Variants in ANTXR1 observed in about 807,000 individuals in gnomAD.
The protein encoded by ANTXR1 is anthrax toxin receptor 1.
In ANTXR1, 19 loss-of-function variants were observed where a neutral mutation model predicts 78.1. That is an observed-to-expected ratio of 0.24 (90% confidence interval 0.17 to 0.36). The LOEUF is 0.36. ANTXR1 is among the 10% of genes least tolerant of loss of function. The pLI, the probability that ANTXR1 is intolerant of heterozygous loss-of-function variation, is 1.00. For synonymous variants in ANTXR1, 273 were observed against 260.5 expected, an observed-to-expected ratio of 1.05 and a Z score of -0.46; for missense variants, 518 against 718.6, an observed-to-expected ratio of 0.72 and a Z score of 3.19.
intron 3 of ANTXR1, among the ~76,000 whole-genome samples, chr2:69,052,593 T>A (rs973052589): frequency 6.6e-6 from 1 of 152,094 alleles, no homozygotes; most frequent in Non-Finnish European, 1.5e-5. Context: ...TTTCCAGGTG[T>A]AGTCCCTTCA....
At chr2:69,219,942 T>C (rs1160675220) in intron 17 of ANTXR1, among the ~76,000 whole-genome samples, 2 of 152,142 alleles carry the variant, frequency 1.3e-5, no homozygotes. Context: ...TTTTAGCTGC[T>C]GAAAAGCAAA....
chr2:69,078,583 A>C (rs1670809056), intron 8 of ANTXR1, among the ~76,000 whole-genome samples: 1 of 152,200 alleles, frequency 6.6e-6, no homozygotes, highest in Non-Finnish European at 1.5e-5. Context: ...TAAGAAGCTC[A>C]GAGCCCGGCA....
At chr2:69,183,389 C>T (rs1294378443) in intron 16 of ANTXR1, among the ~76,000 whole-genome samples, 2 of 151,802 alleles carry the variant, frequency 1.3e-5, no homozygotes, top group African/African-American at 2.4e-5. Flanking sequence ...TTCCTAAAGG[C>T]CTCTTTTTTA....
chr2:69,239,435 G>A (rs1246411340), intron 17 of ANTXR1, among the ~76,000 whole-genome samples: 1 of 152,132 alleles, frequency 6.6e-6, no homozygotes, highest in Non-Finnish European at 1.5e-5. Flanking sequence ...AGCCAGGTGT[G>A]GTGGCACACG....
At chr2:69,016,700 G>T (rs1245924562) in intron 1 of ANTXR1, among the ~76,000 whole-genome samples, 1 of 152,146 alleles carries the variant, frequency 6.6e-6, no homozygotes, top group East Asian at 1.9e-4. Flanking sequence ...TACCAATATG[G>T]TACTACTATT....
At chr2:69,145,237 C>A in intron 12 of ANTXR1, 2 of 1,364,128 alleles carry the variant, frequency 1.5e-6, no homozygotes, top group Non-Finnish European at 2.0e-6. Context: ...GGGACCCTCA[C>A]TTGCATGGGT....
chr2:69,167,964 G>A (rs573955132), intron 13 of ANTXR1, among the ~76,000 whole-genome samples: 24 of 152,254 alleles, frequency 1.6e-4, no homozygotes, highest in African/African-American at 4.6e-4. Flanking sequence ...AATAGCAACC[G>A]CATTGATGGG....
At chr2:69,217,718 G>A (rs1425582971) in intron 17 of ANTXR1, among the ~76,000 whole-genome samples, 4 of 152,186 alleles carry the variant, frequency 2.6e-5, no homozygotes, top group Non-Finnish European at 5.9e-5. Flanking sequence ...GGGTGGGAAT[G>A]GGACAAGGAG....
At chr2:69,156,551 C>A (rs1673530073) in intron 13 of ANTXR1, among the ~76,000 whole-genome samples, 1 of 152,196 alleles carries the variant, frequency 6.6e-6, no homozygotes, top group Non-Finnish European at 1.5e-5. Flanking sequence ...AATTGGCTCA[C>A]AGTTCTGCAG....
chr2:69,186,739 A>G (rs1005329869), intron 16 of ANTXR1, among the ~76,000 whole-genome samples: 4 of 152,232 alleles, frequency 2.6e-5, no homozygotes, highest in Admixed American at 2.6e-4. Flanking sequence ...TCTGCAAACA[A>G]AGAATGGTTT....
At chr2:69,040,598 G>A (rs1013624536) in intron 2 of ANTXR1, among the ~76,000 whole-genome samples, 2 of 152,166 alleles carry the variant, frequency 1.3e-5, no homozygotes, top group African/African-American at 4.8e-5. Context: ...CTCTCTAGCT[G>A]TGTGTACTAT....
chr2:69,060,425 G>T (rs998762405), intron 3 of ANTXR1, among the ~76,000 whole-genome samples: 2 of 152,158 alleles, frequency 1.3e-5, no homozygotes, highest in Non-Finnish European at 2.9e-5. Flanking sequence ...AGAATGAGGT[G>T]ACCTTGTAAA....
At chr2:69,146,402 A>G in intron 12 of ANTXR1, 1 of 979,656 alleles carries the variant, frequency 1.0e-6, no homozygotes. Flanking sequence ...TAAGAATTGG[A>G]CTTGGGTTGA....
chr2:69,233,978 G>A (rs1348471497), intron 17 of ANTXR1, among the ~76,000 whole-genome samples: 2 of 152,006 alleles, frequency 1.3e-5, no homozygotes, highest in Non-Finnish European at 2.9e-5. Context: ...AAAGAAGGCT[G>A]GAACTTACAT....
intron 17 of ANTXR1, among the ~76,000 whole-genome samples, chr2:69,244,518 C>T (rs992607615): frequency 6.6e-6 from 1 of 152,194 alleles, no homozygotes; most frequent in African/African-American, 2.4e-5. Flanking sequence ...GTATTGATCA[C>T]ATCAGTAGAG....
intron 1 of ANTXR1, among the ~76,000 whole-genome samples, chr2:69,022,234 A>G (rs1416600636): frequency 6.6e-6 from 1 of 152,150 alleles, no homozygotes; most frequent in East Asian, 1.9e-4. Flanking sequence ...TTGAATCAAG[A>G]GTATCTGGGC....
intron 3 of ANTXR1, among the ~76,000 whole-genome samples, chr2:69,059,481 CT>C (rs35182884): frequency 0.23 from 33,423 of 145,694 alleles, 4,888 homozygotes; most frequent in East Asian, 0.46. Context: ...GAAGTGTGTA[CT>C]TTTTTTTTTT....
At chr2:69,165,804 C>T (rs528011269) in intron 13 of ANTXR1, among the ~76,000 whole-genome samples, 25 of 152,296 alleles carry the variant, frequency 1.6e-4, no homozygotes, top group South Asian at 4.1e-4. Flanking sequence ...ACAAACACAA[C>T]GGCAAGGATC....
At chr2:69,038,763 CAG>C (rs1322347271) in intron 1 of ANTXR1, among the ~76,000 whole-genome samples, 1 of 152,110 alleles carries the variant, frequency 6.6e-6, no homozygotes, top group African/African-American at 2.4e-5. Context: ...CCTTATGACA[CAG>C]AGTATCTAAT....
Sources: gnomAD v4.1 joint callset for allele counts (sites outside exome capture counted in the v4.1 genomes callset) on GRCh38, gnomAD v4.1.1 for gene constraint, MANE v1.5 for transcripts, NCBI Gene and HGNC (gene_info 2026-07-23, HGNC 2026-07-21) for gene names.